The following MANBA variants were observed in gnomAD, a reference collection of about 807,000 sequenced individuals.
MANBA encodes beta-mannosidase.
A neutral mutation model predicts 111.1 loss-of-function variants in MANBA; 83 were observed. The ratio of observed to expected loss-of-function variants is 0.75; its 90% CI spans 0.63 to 0.90. MANBA has a LOEUF of 0.90. Among genes scored for constraint, MANBA ranks in the 40% least tolerant of loss-of-function variants. The probability of loss-of-function intolerance (pLI) is 0.00; values close to 1 mark genes in which losing one functional copy is unlikely to be tolerated. For synonymous variants in MANBA, 370 were observed against 378.7 expected, an observed-to-expected ratio of 0.98 and a Z score of 0.27; for missense variants, 1,036 against 1,069.0, an observed-to-expected ratio of 0.97 and a Z score of 0.43.
At chr4:102,649,434 A>T (rs1056661712) in intron 13 of MANBA, among the ~76,000 whole-genome samples, 2 of 152,152 alleles carry the variant, frequency 1.3e-5, no homozygotes, top group African/African-American at 4.8e-5. Flanking sequence ...CAATCTTTTT[A>T]ATTTTAGCCA....
chr4:102,674,874 C>T (rs1290098679), intron 7 of MANBA, among the ~76,000 whole-genome samples: 1 of 152,222 alleles, frequency 6.6e-6, no homozygotes, highest in Admixed American at 6.5e-5. Context: ...CAAAAGCACA[C>T]ATTTCTCTAA....
At chr4:102,678,862 T>C (rs1731840498) in intron 7 of MANBA, among the ~76,000 whole-genome samples, 1 of 152,226 alleles carries the variant, frequency 6.6e-6, no homozygotes, top group South Asian at 2.1e-4. Context: ...AAACAGATGA[T>C]ATGTAATGAA....
At position 102,650,541 on chromosome 4, in the gene MANBA, G is replaced by A. The variant is rs201866934; in HGVS notation, c.1865C>T (p.Thr622Ile). 22 of 1,611,440 alleles carry A rather than the reference G, an allele frequency of 1.4e-5. No individual in the cohort carries two copies. The highest frequency in any genetic ancestry group is 1.9e-5 in the Non-Finnish European group (22 of 1,177,758). The change falls in exon 13 of 17, where the codon ACT (threonine) becomes ATT (isoleucine). Residue 622 changes from threonine to isoleucine, a missense_variant. Physicochemically the swap from Thr to Ile is moderately conservative, Grantham distance 89. Transcript: ENST00000647097. ...TCTAGAATGAAAACAACTTACCTGAGTAAGGTAGATGGTATCTTTAAATGT... is the reference window on the plus strand; with the variant it reads ...TCTAGAATGAAAACAACTTACCTGAATAAGGTAGATGGTATCTTTAAATGT... ...LRTFKDTIYL[T>I]QVMQAQCVKT...
At chr4:102,729,358 T>G in intron 1 of MANBA, 1 of 769,288 alleles carries the variant, frequency 1.3e-6, no homozygotes, top group South Asian at 1.4e-5. Flanking sequence ...CTGGCTGCAG[T>G]TGGCGATCTC....
At chr4:102,656,170 C>G (rs1451923166) in intron 12 of MANBA, among the ~76,000 whole-genome samples, 1 of 152,068 alleles carries the variant, frequency 6.6e-6, no homozygotes, top group Admixed American at 6.5e-5. Flanking sequence ...AGGAGGATTG[C>G]TTCAGCCTGA....
At chr4:102,708,947 C>A (rs201149227) in intron 5 of MANBA, among the ~76,000 whole-genome samples, 4 of 151,782 alleles carry the variant, frequency 2.6e-5, no homozygotes, top group Non-Finnish European at 4.4e-5. Flanking sequence ...CTATTATGAA[C>A]GACTATACGC....
intron 13 of MANBA, among the ~76,000 whole-genome samples, chr4:102,645,565 T>C (rs79815449): frequency 6.6e-6 from 1 of 152,112 alleles, no homozygotes; most frequent in East Asian, 1.9e-4. Flanking sequence ...TTAGTTGTTA[T>C]AGGGCTATTA....
intron 11 of MANBA, 76 bp from the exon 12 acceptor site, chr4:102,657,976 A>G: frequency 8.9e-7 from 1 of 1,120,842 alleles, no homozygotes; most frequent in Admixed American, 1.8e-5. Flanking sequence ...TTCTTTAAAA[A>G]TACTAACAAG....
Position 102,634,864 on chromosome 4 carries a change from T to C in MANBA, c.2339A>G (p.Glu780Gly), listed in dbSNP as rs1729547303. The change falls in exon 16 of 17, where the codon GAA becomes GGA. Residue 780 changes from glutamate to glycine, a missense_variant. Coordinates refer to ENST00000647097, the MANE Select transcript of MANBA (RefSeq NM_005908.4). ...VVSFYLSADHELLSPTNYHFL... is the reference protein window; with the variant it reads ...VVSFYLSADHGLLSPTNYHFL... ...GTGGTAGTTGGTCGGGCTCAGGAGT[T>C]CATGGTCAGCTGAAAGGTAAAAGGA... 1 of 1,614,220 alleles carries C rather than the reference T, an allele frequency of 6.2e-7. No homozygotes were observed.
intron 7 of MANBA, among the ~76,000 whole-genome samples, chr4:102,678,636 T>C (rs568966910): frequency 6.6e-6 from 1 of 152,292 alleles, no homozygotes; most frequent in African/African-American, 2.4e-5. Context: ...AACTTCTAAA[T>C]TTTTATCTAT....
chr4:102,666,526 G>A (rs765694690), intron 10 of MANBA: 11 of 152,248 alleles, frequency 7.2e-5, no homozygotes, highest in Non-Finnish European at 1.3e-4. Flanking sequence ...CCATGCTTAA[G>A]GTAAGAGGGG....
chr4:102,700,123 T>G (rs2110256297), intron 5 of MANBA, among the ~76,000 whole-genome samples: 1 of 148,204 alleles, frequency 6.7e-6, no homozygotes, highest in Non-Finnish European at 1.5e-5. Flanking sequence ...CCATTTCTTC[T>G]AGATTTTCTA....
In MANBA at chr4:102,690,482, A is replaced by G. The variant is rs569999003; in HGVS notation, c.849+114T>C. On this transcript the variant is annotated intron_variant, in intron 6 of 16. Coordinates refer to ENST00000647097, the MANE Select transcript of MANBA (RefSeq NM_005908.4). ...ACTAAAATAGAGAAGAAAATGACAAATATAAGCAGAGAAAGTAGAATTTTC... is the reference window on the plus strand; with the variant it reads ...ACTAAAATAGAGAAGAAAATGACAAGTATAAGCAGAGAAAGTAGAATTTTC... The G allele has an allele frequency of 1.7e-5, 17 of 991,040 alleles. No homozygotes were observed. In the African/African-American group the frequency reaches 2.1e-4, roughly 12 times the overall value. The allele number at this position is 991,040 out of a possible 1,614,324, so 61.4% of individuals were successfully genotyped here. A position where few individuals can be genotyped will look rare whatever the true frequency, so the allele number is the denominator to read the frequency against.
intron 1 of MANBA, among the ~76,000 whole-genome samples, chr4:102,745,738 A>G (rs1002320403): frequency 9.9e-5 from 15 of 152,212 alleles, no homozygotes; most frequent in African/African-American, 2.9e-4. Context: ...AGTGGGTTCA[A>G]ATCAATAAGT....
rs1723490579 is a variant in MANBA at position 102,743,663 on chromosome 4, T to TA, written c.178-16981dup. On this transcript the variant is annotated intron_variant, in intron 1 of 16. Coordinates refer to ENST00000647097, the MANE Select transcript of MANBA (RefSeq NM_005908.4). ...GGACCTGCTCGAGCCCAATCATGTA[T>TA]ATACCACTTCCATTTGATGAGGGAA... Among the ~76,000 whole-genome samples, 3 of 152,192 alleles carry TA rather than the reference T, an allele frequency of 2.0e-5. No homozygotes were observed. The South Asian group carries it at 6.2e-4, about 31-fold the overall frequency.
Position 102,631,908 on chromosome 4 carries a change from C to T in MANBA, c.*149G>A. 1.4e-6 allele frequency: 1 copy of T among 739,972 alleles called. No homozygotes were observed. The highest frequency in any genetic ancestry group is 1.5e-5 in the South Asian group (1 of 65,632). The allele number at this position is 739,972 out of a possible 1,614,324, so 45.8% of individuals were successfully genotyped here. On this transcript the variant is annotated 3_prime_UTR_variant, in exon 17 of 17. Coordinates refer to ENST00000647097, the MANE Select transcript of MANBA (RefSeq NM_005908.4). ...GCCTCCCCTGAAAGTGTTCAGTGTA[C>T]AACTCTTCACAGAGCAATCGCTCAA...
intron 13 of MANBA, among the ~76,000 whole-genome samples, 195 bp downstream of exon 13, chr4:102,650,342 G>T (rs1403820603): frequency 6.6e-6 from 1 of 152,164 alleles, no homozygotes; most frequent in Non-Finnish European, 1.5e-5. Flanking sequence ...AGCTGTTTTT[G>T]TAAGAGAGGC....
chr4:102,650,994 T>C (rs1180699456), intron 12 of MANBA, among the ~76,000 whole-genome samples: 1 of 152,126 alleles, frequency 6.6e-6, no homozygotes, highest in Non-Finnish European at 1.5e-5. Flanking sequence ...CAAAACATAT[T>C]CCTGGTTTTT....
At chr4:102,725,697 G>A (rs1722767587) in intron 2 of MANBA, among the ~76,000 whole-genome samples, 1 of 152,150 alleles carries the variant, frequency 6.6e-6, no homozygotes, top group Non-Finnish European at 1.5e-5. Context: ...TGATTAGGCA[G>A]CTTTGGCCTC....
Sources: allele counts gnomAD v4.1 joint callset (sites outside exome capture counted in the v4.1 genomes callset), GRCh38; gene constraint gnomAD v4.1.1; transcripts MANE v1.5; gene names NCBI Gene and HGNC (gene_info 2026-07-23, HGNC 2026-07-21).